AKT3: variants seen among roughly 807,000 people sequenced by gnomAD.
AKT3 encodes RAC-gamma serine/threonine-protein kinase.
A neutral mutation model predicts 65.3 loss-of-function variants in AKT3; 15 were observed. The observed-to-expected ratio is 0.23, with a 90% CI of 0.15 to 0.35. The LOEUF (loss-of-function observed/expected upper bound fraction) is 0.35, where lower values mean the gene tolerates loss of function less well. Among genes scored for constraint, AKT3 ranks in the 10% least tolerant of loss-of-function variants. The probability of loss-of-function intolerance (pLI) is 1.00; values close to 1 mark genes in which losing one functional copy is unlikely to be tolerated. For synonymous variants in AKT3, 206 were observed against 183.8 expected, an observed-to-expected ratio of 1.12 and a Z score of -0.98; for missense variants, 243 against 576.5, an observed-to-expected ratio of 0.42 and a Z score of 5.92.
chr1:243,667,959 C>T lies in AKT3; in HGVS notation c.173-3076G>A, dbSNP rs1026636374. Among the ~76,000 whole-genome samples the T allele has an allele frequency of 2.6e-5, 4 of 152,166 alleles. No individual in the cohort carries two copies. In the South Asian group the frequency reaches 8.3e-4, roughly 32 times the overall value. ...ACACCCGCACAGCTGCTCTCTTAGACATCCTATTTAATACTGCAATCTGCA... is the reference window on the plus strand; with the variant it reads ...ACACCCGCACAGCTGCTCTCTTAGATATCCTATTTAATACTGCAATCTGCA... On this transcript the variant is annotated intron_variant, in intron 3 of 13. Coordinates refer to ENST00000673466, the MANE Select transcript of AKT3 (RefSeq NM_005465.7).
rs552267280 is a variant in AKT3, at chr1:243,584,472, C to T, written c.697-11424G>A. On this transcript the variant is annotated intron_variant, in intron 8 of 13. Coordinates refer to ENST00000673466, the MANE Select transcript of AKT3 (RefSeq NM_005465.7). ...GTAACATCCTGATACCAAAACCTGG[C>T]AAAGACACAATGAAGAAAGAAAATC... is the stretch of plus-strand genomic sequence containing the variant. Among the ~76,000 whole-genome samples, 50 of 152,146 alleles carry T rather than the reference C, an allele frequency of 3.3e-4. 1 individual carries two copies. The highest frequency in any genetic ancestry group is 1.1e-3 in the African/African-American group (46 of 41,536).
chr1:243,605,998 T>C (rs1677380125), intron 8 of AKT3, among the ~76,000 whole-genome samples: 1 of 152,150 alleles, frequency 6.6e-6, no homozygotes, highest in Non-Finnish European at 1.5e-5. Flanking sequence ...AGCACTTCTC[T>C]CTCCTGCTCC....
Position 243,815,776 on chromosome 1 carries a change from A to AGTTGTTGTTGTTGTTGTTGTTGTTGTT in AKT3, c.46+27348_46+27349insAACAACAACAACAACAACAACAACAAC, listed in dbSNP as rs145906932. On this transcript the variant is annotated intron_variant, in intron 2 of 13. Coordinates refer to ENST00000673466, the MANE Select transcript of AKT3 (RefSeq NM_005465.7). ...CAGGTGTGCACCACCACACCCAGCTAGTTGTTGTTGTTGTTGTTGTTGTAG... is the reference window on the plus strand; with the variant it reads ...CAGGTGTGCACCACCACACCCAGCTAGTTGTTGTTGTTGTTGTTGTTGTTGTTGTTGTTGTTGTTGTTGTTGTTGTAG... Among the ~76,000 whole-genome samples, 70 of 147,304 alleles carry AGTTGTTGTTGTTGTTGTTGTTGTTGTT rather than the reference A, an allele frequency of 4.8e-4. 1 individual carries two copies. Among genetic ancestry groups the AGTTGTTGTTGTTGTTGTTGTTGTTGTT allele is most frequent in the East Asian group, 1.2e-3 (6 of 4,898 alleles).
At chr1:243,740,567 A>T (rs1688090674) in intron 2 of AKT3, 1 of 152,126 alleles carries the variant, frequency 6.6e-6, no homozygotes, top group Non-Finnish European at 1.5e-5. Context: ...GCTGATGCCT[A>T]TTTTTCTAAA....
downstream of AKT3, among the ~76,000 whole-genome samples, chr1:243,498,814 CT>C (rs970911579): frequency 1.1e-4 from 16 of 152,318 alleles, no homozygotes; most frequent in Middle Eastern, 3.4e-3. Context: ...GCCCACTTCT[CT>C]TTTTGGAAGA....
chr1:243,755,076 T>C (rs1689045810), intron 2 of AKT3, among the ~76,000 whole-genome samples: 1 of 152,102 alleles, frequency 6.6e-6, no homozygotes, highest in African/African-American at 2.4e-5. Flanking sequence ...TAATTATTAT[T>C]GGTTTTTTTG....
At chr1:243,735,813 T>C (rs1471345043) in intron 2 of AKT3, 1 of 152,182 alleles carries the variant, frequency 6.6e-6, no homozygotes, top group Admixed American at 6.5e-5. Flanking sequence ...CAATGACAGG[T>C]ATTTGAGACA....
intron 6 of AKT3, among the ~76,000 whole-genome samples, chr1:243,618,025 T>C (rs1210300781): frequency 6.6e-6 from 1 of 152,200 alleles, no homozygotes; most frequent in Non-Finnish European, 1.5e-5. Flanking sequence ...AAAGTATGTA[T>C]GAAATTTATT....
rs1334359811 is a variant in AKT3 at position 243,619,465 on chromosome 1, T to TA, written c.562-4305dup. ...CTAACACTAGGTCTTATTACAACTG[T>TA]ACTTCTGTACCTATTAATCAACTCC... is the stretch of plus-strand genomic sequence containing the variant. On this transcript the variant is annotated intron_variant, in intron 6 of 13. Coordinates refer to ENST00000673466, the MANE Select transcript of AKT3 (RefSeq NM_005465.7). 2.5e-4 allele frequency among the ~76,000 whole-genome samples: 10 copies of TA among 40,748 alleles called. 4 individuals carry two copies. The highest frequency in any genetic ancestry group is 1.3e-3 in the Non-Finnish European group (9 of 7,000). 26.7% of individuals were successfully genotyped at this position (40,748 alleles called of 152,430 possible).
chr1:243,559,951 G>C (rs1260757514), intron 10 of AKT3, among the ~76,000 whole-genome samples: 1 of 152,134 alleles, frequency 6.6e-6, no homozygotes, highest in Admixed American at 6.6e-5. Flanking sequence ...GCTGGCTTCA[G>C]CTCCTGCCAA....
intron 2 of AKT3, among the ~76,000 whole-genome samples, chr1:243,777,283 A>G (rs1215131737): frequency 2.0e-5 from 3 of 152,166 alleles, no homozygotes; most frequent in Non-Finnish European, 2.9e-5. Flanking sequence ...TTGCATCCCT[A>G]TGAGAATCTA....
intron 2 of AKT3, among the ~76,000 whole-genome samples, chr1:243,765,994 G>A (rs1258483837): frequency 6.6e-6 from 1 of 152,150 alleles, no homozygotes; most frequent in African/African-American, 2.4e-5. Context: ...TTCTTGGCCT[G>A]TCCAAAGAGG....
intron 12 of AKT3, among the ~76,000 whole-genome samples, chr1:243,522,945 TACC>T (rs1414279745): frequency 6.6e-6 from 1 of 152,104 alleles, no homozygotes; most frequent in Non-Finnish European, 1.5e-5. Context: ...ACTCTCTTAA[TACC>T]ACACCAGATG....
At chr1:243,554,321 C>T (rs1444858449) in intron 10 of AKT3, among the ~76,000 whole-genome samples, 1 of 152,048 alleles carries the variant, frequency 6.6e-6, no homozygotes, top group Non-Finnish European at 1.5e-5. Context: ...AAACTGAAAA[C>T]TTCACTGGTA....
At chr1:243,488,956 G>A in intron 13 of AKT3, 1 of 1,612,112 alleles carries the variant, frequency 6.2e-7, no homozygotes, top group Non-Finnish European at 8.5e-7. Context: ...CACAGCCCCT[G>A]GGCCTGTTGA....
chr1:243,610,787 CG>C (rs1200641085), intron 8 of AKT3, among the ~76,000 whole-genome samples: 2 of 152,188 alleles, frequency 1.3e-5, no homozygotes, highest in Non-Finnish European at 2.9e-5. Context: ...CACATGTTTA[CG>C]GTCTAATTTT....
At chr1:243,658,580 AG>A in intron 4 of AKT3, among the ~76,000 whole-genome samples, 1 of 152,372 alleles carries the variant, frequency 6.6e-6, no homozygotes, top group East Asian at 1.9e-4. Context: ...AAAACTTAAA[AG>A]TAGAACTACC....
chr1:243,681,016 G>C (rs1170414411), intron 3 of AKT3, among the ~76,000 whole-genome samples: 1 of 152,116 alleles, frequency 6.6e-6, no homozygotes, highest in African/African-American at 2.4e-5. Flanking sequence ...AGGCCCTACT[G>C]TAAGGTAGTC....
At position 243,541,180 on chromosome 1, in the gene AKT3, G is replaced by A. The variant is rs549453452; in HGVS notation, c.1251+4330C>T. On this transcript the variant is annotated intron_variant, in intron 12 of 13. Coordinates refer to ENST00000673466, the MANE Select transcript of AKT3 (RefSeq NM_005465.7). ...CTGAATGAGCAATTTTCACTCTGGA[G>A]TTCTAATGGTGATTTGATTTTCTAC... Among the ~76,000 whole-genome samples the A allele has an allele frequency of 2.3e-4, 35 of 152,204 alleles. 1 individual carries two copies. Among genetic ancestry groups the A allele is most frequent in the Non-Finnish European group, 4.4e-4 (30 of 68,008 alleles).
Sources: allele counts gnomAD v4.1 joint callset (sites outside exome capture counted in the v4.1 genomes callset), GRCh38; gene constraint gnomAD v4.1.1; transcripts MANE v1.5; gene names NCBI Gene and HGNC (gene_info 2026-07-23, HGNC 2026-07-21).